Variants in PPM1H observed in about 807,000 individuals in gnomAD.
PPM1H encodes protein phosphatase 1H.
A neutral mutation model predicts 54.9 loss-of-function variants in PPM1H; 27 were observed. The ratio of observed to expected loss-of-function variants is 0.49; its 90% CI spans 0.36 to 0.68. The LOEUF is 0.68. Among genes scored for constraint, PPM1H ranks in the 30% least tolerant of loss-of-function variants. PPM1H has a pLI of 0.00. For missense variants in PPM1H, 596 were observed against 667.8 expected (o/e 0.89, Z 1.19); for synonymous variants, 305 against 270.8 (o/e 1.13, Z -1.24).
At chr12:62,805,539 C>T (rs2076801109) in intron 2 of PPM1H, among the ~76,000 whole-genome samples, 1 of 152,104 alleles carries the variant, frequency 6.6e-6, no homozygotes, top group African/African-American at 2.4e-5. Context: ...GGAAATTCTG[C>T]CATTTGCAAC....
intron 4 of PPM1H, among the ~76,000 whole-genome samples, chr12:62,744,566 G>A (rs2076399930): frequency 6.6e-6 from 1 of 152,026 alleles, no homozygotes; most frequent in Non-Finnish European, 1.5e-5. Context: ...GTAATGGGTG[G>A]TACAATCCCA....
At chr12:62,667,042 C>A in intron 9 of PPM1H, 136 bp downstream of exon 9, 1 of 981,596 alleles carries the variant, frequency 1.0e-6, no homozygotes, top group Non-Finnish European at 1.5e-6. Flanking sequence ...AAGGTAATCC[C>A]TTCTGCAGTT....
At chr12:62,929,807 C>T (rs1208278004) in intron 1 of PPM1H, among the ~76,000 whole-genome samples, 1 of 152,172 alleles carries the variant, frequency 6.6e-6, no homozygotes, top group African/African-American at 2.4e-5. Context: ...TTTTGCAAGT[C>T]ACCAGAAAGG....
intron 9 of PPM1H, among the ~76,000 whole-genome samples, chr12:62,651,424 T>C (rs1407123131): frequency 6.6e-6 from 1 of 152,190 alleles, no homozygotes; most frequent in African/African-American, 2.4e-5. Context: ...ATTAGAGTCA[T>C]GAAAGATGAA....
At chr12:62,666,017 C>A (rs1424392623) in intron 9 of PPM1H, among the ~76,000 whole-genome samples, 1 of 151,900 alleles carries the variant, frequency 6.6e-6, no homozygotes, top group East Asian at 1.9e-4. Context: ...GTGTGAGCCA[C>A]CATGCTTGGC....
intron 3 of PPM1H, among the ~76,000 whole-genome samples, chr12:62,800,120 T>C (rs1375281662): frequency 6.6e-6 from 1 of 152,096 alleles, no homozygotes; most frequent in Admixed American, 6.5e-5. Context: ...AGGATGCAAA[T>C]TTGAGGGGTG....
Position 62,752,518 on chromosome 12 carries a change from C to A in PPM1H, c.870-14932G>T, listed in dbSNP as rs531490612. ...TTCCACAGAAAAGAAGGAAGATTGA[C>A]AGGGGGATTGGGGGCATTCTTGCTT... On this transcript the variant is annotated intron_variant, in intron 4 of 9. Transcript: ENST00000228705. Among the ~76,000 whole-genome samples the A allele has an allele frequency of 3.3e-5, 5 of 152,312 alleles. No individual in the cohort carries two copies. In the South Asian group the frequency reaches 1.0e-3, roughly 32 times the overall value.
chr12:62,797,374 G>T (rs1168473807), intron 3 of PPM1H, among the ~76,000 whole-genome samples: 1 of 152,162 alleles, frequency 6.6e-6, no homozygotes, highest in Admixed American at 6.5e-5. Context: ...AAGCTGAAAT[G>T]CCTATATGAC....
Position 62,934,822 on chromosome 12 carries a change from G to T in PPM1H, c.-86C>A. The T allele has an allele frequency of 8.1e-7, 1 of 1,229,226 alleles. No individual in the cohort carries two copies. The highest frequency in any genetic ancestry group is 1.0e-6 in the Non-Finnish European group (1 of 974,528). 76.1% of individuals were successfully genotyped at this position (1,229,226 alleles called of 1,614,324 possible). On this transcript the variant is annotated 5_prime_UTR_variant, in exon 1 of 10. Coordinates refer to ENST00000228705, the MANE Select transcript of PPM1H (RefSeq NM_020700.2). The surrounding 1 kb of genome is among the most constrained non-coding windows in gnomAD (Gnocchi z 4.2). The stretch of plus-strand genomic sequence containing the variant: ...CAGCGCGGGGCATGCAGGCTGCGGT[G>T]GGCGCCGGGCGCACGGCGAGTCGGG...
Position 62,647,207 on chromosome 12 carries a change from C to T in PPM1H, c.*1282G>A, listed in dbSNP as rs1007176526. ...TGTGGCGAACACTCAGATGTGGAAC[C>T]ATAGAGGGACCTTGAGGAGCTGGGA... On this transcript the variant is annotated 3_prime_UTR_variant, in exon 10 of 10. Coordinates refer to ENST00000228705, the MANE Select transcript of PPM1H (RefSeq NM_020700.2). 2 of 152,220 alleles carry T rather than the reference C, an allele frequency of 1.3e-5. No individual in the cohort carries two copies. Among genetic ancestry groups the T allele is most frequent in the Non-Finnish European group, 2.9e-5 (2 of 68,070 alleles). The allele number at this position is 152,220 out of a possible 1,614,324, so 9.4% of individuals were successfully genotyped here.
intron 1 of PPM1H, among the ~76,000 whole-genome samples, chr12:62,911,027 A>G (rs772560): frequency 0.33 from 49,622 of 152,146 alleles, 9,681 homozygotes; most frequent in Non-Finnish European, 0.45. Context: ...TGTGGGACAG[A>G]AAATCTCCAG....
intron 1 of PPM1H, among the ~76,000 whole-genome samples, chr12:62,869,651 C>T (rs1869908958): frequency 6.6e-6 from 1 of 152,212 alleles, no homozygotes; most frequent in Admixed American, 6.5e-5. Context: ...AACATCCCAT[C>T]TCCCGCTCAA....
intron 1 of PPM1H, among the ~76,000 whole-genome samples, chr12:62,913,894 T>G (rs945196640): frequency 1.3e-5 from 2 of 152,034 alleles, no homozygotes; most frequent in African/African-American, 4.8e-5. Flanking sequence ...GAGATGGGAT[T>G]TTACCATGTT....
intron 1 of PPM1H, among the ~76,000 whole-genome samples, chr12:62,918,983 A>G (rs911518270): frequency 6.6e-6 from 1 of 152,268 alleles, no homozygotes; most frequent in African/African-American, 2.4e-5. Flanking sequence ...TTGACAGGTT[A>G]GTAAACATCT....
chr12:62,658,753 C>A, intron 9 of PPM1H: 1 of 387,690 alleles, frequency 2.6e-6, no homozygotes, highest in African/African-American at 2.1e-5. Flanking sequence ...GCCAGCTTCC[C>A]TACAATTCAG....
intron 1 of PPM1H, among the ~76,000 whole-genome samples, chr12:62,883,066 T>C (rs1251643605): frequency 2.0e-5 from 3 of 152,200 alleles, no homozygotes; most frequent in African/African-American, 4.8e-5. Flanking sequence ...CACTAAAATG[T>C]ATACTTCTTG....
In PPM1H at chr12:62,844,621, G is replaced by C. The variant is rs1298512618; in HGVS notation, c.246-12342C>G. Among the ~76,000 whole-genome samples, 3 of 152,164 alleles carry C rather than the reference G, an allele frequency of 2.0e-5. No individual in the cohort carries two copies. The highest frequency in any genetic ancestry group is 7.2e-5 in the African/African-American group (3 of 41,424). On this transcript the variant is annotated intron_variant, in intron 1 of 9. Transcript: ENST00000228705. The surrounding 1 kb of genome is among the most constrained non-coding windows in gnomAD (Gnocchi z 5.2). ...ACCATCCTTAAATAAAAAGGACAAG[G>C]TGGACTACCAATATATTTCAATTAG...
At chr12:62,683,518 G>C (rs1451528735) in intron 8 of PPM1H, among the ~76,000 whole-genome samples, 1 of 152,144 alleles carries the variant, frequency 6.6e-6, no homozygotes, top group African/African-American at 2.4e-5. Flanking sequence ...AAAGAAGGCT[G>C]TTTCAGATAA....
intron 6 of PPM1H, 140 bp downstream of exon 6, chr12:62,720,031 T>G (rs913115462): frequency 3.1e-4 from 206 of 670,196 alleles, no homozygotes; most frequent in Admixed American, 2.1e-4. Context: ...CAGAGGCAGG[T>G]GTACCCCCTT....
Sources: allele counts gnomAD v4.1 joint callset (sites outside exome capture counted in the v4.1 genomes callset), GRCh38; gene constraint gnomAD v4.1.1; non-coding constraint Gnocchi (gnomAD v3.1); transcripts MANE v1.5; gene names NCBI Gene and HGNC (gene_info 2026-07-23, HGNC 2026-07-21).